PIEZO2: variants seen among roughly 807,000 people sequenced by gnomAD.
The protein encoded by PIEZO2 is piezo type mechanosensitive ion channel component 2.
In PIEZO2, 172 loss-of-function variants were observed where a neutral mutation model predicts 337.3. That is an observed-to-expected ratio of 0.51 (90% CI 0.45 to 0.58). The LOEUF (loss-of-function observed/expected upper bound fraction) is 0.58, where lower values mean the gene tolerates loss of function less well. Among genes scored for constraint, PIEZO2 ranks in the 20% least tolerant of loss-of-function variants. The pLI, the probability that PIEZO2 is intolerant of heterozygous loss-of-function variation, is 0.00. For missense variants in PIEZO2, 3,028 were observed against 3,391.3 expected, an observed-to-expected ratio of 0.89 and a Z score of 2.66; for synonymous variants, 1,251 against 1,228.5, an observed-to-expected ratio of 1.02 and a Z score of -0.38.
chr18:11,005,733 T>TA (rs1237836157), intron 2 of PIEZO2, among the ~76,000 whole-genome samples: 1 of 152,220 alleles, frequency 6.6e-6, no homozygotes, highest in African/African-American at 2.4e-5. Flanking sequence ...CACACCAGGT[T>TA]ACTATGACTA....
intron 3 of PIEZO2, among the ~76,000 whole-genome samples, chr18:10,932,945 A>T (rs948105724): frequency 6.6e-6 from 1 of 151,928 alleles, no homozygotes; most frequent in African/African-American, 2.4e-5. Context: ...AAAAAAAAAA[A>T]TATGAAAAGG....
chr18:10,977,221 C>T (rs1001828077), intron 3 of PIEZO2, among the ~76,000 whole-genome samples: 1 of 151,794 alleles, frequency 6.6e-6, no homozygotes, highest in Non-Finnish European at 1.5e-5. Flanking sequence ...CAGAAGAGAT[C>T]ATAAATTTCA....
intron 1 of PIEZO2, among the ~76,000 whole-genome samples, chr18:11,147,977 A>T (rs1389339145): frequency 2.6e-5 from 4 of 152,220 alleles, no homozygotes; most frequent in Admixed American, 2.0e-4. Context: ...TGGAGGTTTT[A>T]AAAAATAAGT....
In PIEZO2 at chr18:10,801,398, G is replaced by C. The variant is rs1181794331; in HGVS notation, c.1231C>G (p.Pro411Ala). 1 of 1,501,788 alleles carries C rather than the reference G, an allele frequency of 6.7e-7. No individual in the cohort carries two copies. The highest frequency in any genetic ancestry group is 9.0e-7 in the Non-Finnish European group (1 of 1,114,374). The allele number at this position is 1,501,788 out of a possible 1,614,324, so 93.0% of individuals were successfully genotyped here. A position where few individuals can be genotyped will look rare whatever the true frequency, so the allele number is the denominator to read the frequency against. Residue 411 changes from proline to alanine, a missense_variant, in exon 10 of 56, where the codon CCA becomes GCA. Pro to Ala is a conservative substitution (Grantham distance 27). Transcript: ENST00000674853. ...LLSMTQDDYK[P>A]SDGLLVTVNG... ...TCTAAGGGTATACTAACATCAGATG[G>C]TTTGTAGTCATCCTGGGTCATGGAT... is the stretch of plus-strand genomic sequence containing the variant.
chr18:10,838,535 T>C (rs1304673576), intron 7 of PIEZO2, among the ~76,000 whole-genome samples: 1 of 152,214 alleles, frequency 6.6e-6, no homozygotes, highest in Non-Finnish European at 1.5e-5. Flanking sequence ...TACTGCCTTA[T>C]AATAAAAAGC....
rs979054835 is a variant in PIEZO2, at chr18:10,707,410, G to A, written c.5588+865C>T. ...GCCAAGGCATTCCCATCAATGCCAG[G>A]TGTCAGCATACTGCAGGGATGCACC... On this transcript the variant is annotated intron_variant, in intron 40 of 55. Coordinates refer to ENST00000674853, the MANE Select transcript of PIEZO2 (RefSeq NM_001378183.1). This position sits in a 1 kb window ranked among gnomAD's most constrained non-coding sequence, Gnocchi z 4.2. Among the ~76,000 whole-genome samples the A allele has an allele frequency of 6.6e-6, 1 of 151,974 alleles. No homozygotes were observed. Among genetic ancestry groups the A allele is most frequent in the Non-Finnish European group, 1.5e-5 (1 of 67,978 alleles).
chr18:10,941,354 CT>C (rs1312280132), intron 3 of PIEZO2, among the ~76,000 whole-genome samples: 2 of 152,144 alleles, frequency 1.3e-5, no homozygotes, highest in Non-Finnish European at 2.9e-5. Flanking sequence ...TCAATCCCCG[CT>C]TACACCCCAA....
chr18:10,765,169 C>T (rs2038300081), intron 21 of PIEZO2, among the ~76,000 whole-genome samples: 1 of 152,210 alleles, frequency 6.6e-6, no homozygotes. Context: ...CACACAGGCA[C>T]TTGGTGACAG....
intron 2 of PIEZO2, among the ~76,000 whole-genome samples, chr18:11,037,682 A>G (rs1389449207): frequency 5.3e-5 from 8 of 152,180 alleles, no homozygotes; most frequent in African/African-American, 1.7e-4. Flanking sequence ...CTCTTTCCAG[A>G]AGACCACTTT....
intron 21 of PIEZO2, among the ~76,000 whole-genome samples, chr18:10,765,614 A>G (rs565446027): frequency 6.6e-5 from 10 of 152,310 alleles, no homozygotes; most frequent in African/African-American, 2.4e-4. Flanking sequence ...TGAGTAGGAC[A>G]CCTGAAAGAG....
In PIEZO2 at chr18:11,105,028, T is replaced by C. The variant is rs2039521154; in HGVS notation, c.65-38806A>G. On this transcript the variant is annotated intron_variant, in intron 1 of 55. Coordinates refer to ENST00000674853, the MANE Select transcript of PIEZO2 (RefSeq NM_001378183.1). The surrounding 1 kb of genome is among the most constrained non-coding windows in gnomAD (Gnocchi z 4.3). ...TCATGGGAATCACTAGCTCGAAGTC[T>C]GTTAGCCTAAAATTACCACTTACTA... Among the ~76,000 whole-genome samples, 1 of 152,222 alleles carries C rather than the reference T, an allele frequency of 6.6e-6. No homozygotes were observed. The highest frequency in any genetic ancestry group is 1.5e-5 in the Non-Finnish European group (1 of 68,038).
At position 11,104,833 on chromosome 18, in the gene PIEZO2, T is replaced by C. The variant is rs1489068376; in HGVS notation, c.65-38611A>G. On this transcript the variant is annotated intron_variant, in intron 1 of 55. Transcript: ENST00000674853. This position sits in a 1 kb window ranked among gnomAD's most constrained non-coding sequence, Gnocchi z 4.6. ...CCACTCTCCTCCATCATGCTTGATATGGTCCAGGAGTGGTTGAACCACTCC... is the reference window on the plus strand; with the variant it reads ...CCACTCTCCTCCATCATGCTTGATACGGTCCAGGAGTGGTTGAACCACTCC... 2.0e-5 allele frequency among the ~76,000 whole-genome samples: 3 copies of C among 152,176 alleles called. No homozygotes were observed. Among genetic ancestry groups the C allele is most frequent in the South Asian group, 2.1e-4 (1 of 4,826 alleles).
chr18:10,796,896 CATCAT>C (rs1376673750), intron 12 of PIEZO2, among the ~76,000 whole-genome samples: 4 of 152,110 alleles, frequency 2.6e-5, no homozygotes, highest in Admixed American at 6.5e-5. Flanking sequence ...TCATACATAC[CATCAT>C]ATCATATCTT....
intron 5 of PIEZO2, among the ~76,000 whole-genome samples, chr18:10,857,793 A>C (rs112092776): frequency 0.019 from 2,821 of 152,322 alleles, 92 homozygotes; most frequent in African/African-American, 0.064. Flanking sequence ...AAGCCTCGGC[A>C]GCTCAGCACC....
At chr18:11,120,268 G>A (rs951061473) in intron 1 of PIEZO2, among the ~76,000 whole-genome samples, 2 of 152,116 alleles carry the variant, frequency 1.3e-5, no homozygotes, top group Admixed American at 6.5e-5. Flanking sequence ...TGACTCAAGG[G>A]CAAGTTCGGA....
intron 1 of PIEZO2, among the ~76,000 whole-genome samples, chr18:11,138,752 G>A (rs1186347397): frequency 6.6e-6 from 1 of 152,208 alleles, no homozygotes; most frequent in Admixed American, 6.5e-5. Flanking sequence ...TCTGTAATGA[G>A]TATGCAAAGT....
intron 18 of PIEZO2, among the ~76,000 whole-genome samples, chr18:10,778,593 A>G (rs949884903): frequency 1.3e-5 from 2 of 152,040 alleles, no homozygotes; most frequent in African/African-American, 4.8e-5. Context: ...CGGCTTCCCA[A>G]GGTGCTGGGA....
Position 11,021,519 on chromosome 18 carries a change from C to T in PIEZO2, c.161-41859G>A, listed in dbSNP as rs576057050. Among the ~76,000 whole-genome samples, 3,242 of 152,262 alleles carry T rather than the reference C, an allele frequency of 0.021. 112 individuals carry two copies. The highest frequency in any genetic ancestry group is 0.074 in the African/African-American group (3,055 of 41,536). ...TTTGAGTTGAGTTTCTGAGCAGACT[C>T]TCCTGCTTCAGCCGCCAATGGCGTT... On this transcript the variant is annotated intron_variant, in intron 2 of 55. Coordinates refer to ENST00000674853, the MANE Select transcript of PIEZO2 (RefSeq NM_001378183.1). The surrounding 1 kb of genome is among the most constrained non-coding windows in gnomAD (Gnocchi z 4.7).
At chr18:10,885,403 G>A (rs551667523) in intron 4 of PIEZO2, among the ~76,000 whole-genome samples, 57 of 152,204 alleles carry the variant, frequency 3.7e-4, no homozygotes, top group African/African-American at 1.3e-3. Context: ...CAGCCTGGAC[G>A]ACAGAGCGAG....
Sources: gnomAD v4.1 joint callset for allele counts (sites outside exome capture counted in the v4.1 genomes callset) on GRCh38, gnomAD v4.1.1 for gene constraint, Gnocchi (gnomAD v3.1) non-coding constraint, MANE v1.5 for transcripts, NCBI Gene and HGNC (gene_info 2026-07-23, HGNC 2026-07-21) for gene names.